CSMD1: variants seen among roughly 807,000 people sequenced by gnomAD.
The protein encoded by CSMD1 is CUB and sushi domain-containing protein 1.
Under a neutral mutation model 417.5 loss-of-function variants are expected in CSMD1, and 213 were observed. The ratio of observed to expected loss-of-function variants is 0.51; its 90% CI spans 0.46 to 0.57. The LOEUF (loss-of-function observed/expected upper bound fraction) is 0.57, where lower values mean the gene tolerates loss of function less well. Among genes scored for constraint, CSMD1 ranks in the 20% least tolerant of loss-of-function variants. The probability of loss-of-function intolerance (pLI) is 0.00; values close to 1 mark genes in which losing one functional copy is unlikely to be tolerated. For synonymous variants in CSMD1, 2,862 were observed against 1,736.8 expected, an observed-to-expected ratio of 1.65 and a Z score of -16.11; for missense variants, 6,923 against 4,529.7, an observed-to-expected ratio of 1.53 and a Z score of -15.17.
intron 5 of CSMD1, among the ~76,000 whole-genome samples, chr8:3,766,764 T>C (rs534615574): frequency 6.6e-6 from 1 of 152,320 alleles, no homozygotes; most frequent in South Asian, 2.1e-4. Context: ...AGGAATATCA[T>C]TAAAAAACAC....
intron 1 of CSMD1, chr8:4,787,272 CT>C: frequency 1.6e-6 from 1 of 611,304 alleles, no homozygotes; most frequent in Non-Finnish European, 3.0e-6. Context: ...GATCACCCCT[CT>C]TTTCTAGAGC....
In CSMD1 at chr8:3,991,922, T is replaced by C. The variant is rs1814780267; in HGVS notation, c.818+5981A>G. ...CTCCAAGTAGCAGTAGCAACTATTG[T>C]TTATATTTTCTTGTTATATAACAAA... On this transcript the variant is annotated intron_variant, in intron 5 of 69. Coordinates refer to ENST00000635120, the MANE Select transcript of CSMD1 (RefSeq NM_033225.6). Among the ~76,000 whole-genome samples the C allele has an allele frequency of 2.6e-5, 4 of 152,300 alleles. No individual in the cohort carries two copies. The South Asian group carries it at 8.3e-4, about 32-fold the overall frequency.
chr8:4,819,275 T>A (rs185109704), intron 1 of CSMD1, among the ~76,000 whole-genome samples: 3 of 152,256 alleles, frequency 2.0e-5, no homozygotes, highest in African/African-American at 4.8e-5. Context: ...CAAAACCTCA[T>A]CATTAAAAAC....
chr8:3,501,064 G>T (rs1022077242), intron 10 of CSMD1, among the ~76,000 whole-genome samples: 1 of 152,010 alleles, frequency 6.6e-6, no homozygotes, highest in Non-Finnish European at 1.5e-5. Flanking sequence ...AAAATGAAAA[G>T]ATTTCCCAAA....
intron 2 of CSMD1, among the ~76,000 whole-genome samples, chr8:4,608,502 A>T (rs1242293690): frequency 6.6e-6 from 1 of 152,182 alleles, no homozygotes; most frequent in Non-Finnish European, 1.5e-5. Context: ...TATTATTTGG[A>T]GTGTTTAAAT....
intron 26 of CSMD1, among the ~76,000 whole-genome samples, chr8:3,255,151 C>T (rs1368337021): frequency 6.6e-6 from 1 of 152,148 alleles, no homozygotes; most frequent in East Asian, 1.9e-4. Context: ...AACCTATTTG[C>T]CTGGGTATCA....
chr8:4,624,152 G>C (rs754142572), intron 2 of CSMD1, among the ~76,000 whole-genome samples: 9 of 152,008 alleles, frequency 5.9e-5, no homozygotes, highest in Non-Finnish European at 7.4e-5. Flanking sequence ...CAAAATAGCA[G>C]GTTTGCAGTA....
chr8:3,301,985 A>G (rs1020722542), intron 25 of CSMD1, among the ~76,000 whole-genome samples: 3 of 152,154 alleles, frequency 2.0e-5, no homozygotes, highest in South Asian at 2.1e-4. Context: ...TAATTTATCA[A>G]AAGAATTCCA....
intron 26 of CSMD1, among the ~76,000 whole-genome samples, chr8:3,242,079 A>G (rs1451799478): frequency 1.4e-5 from 2 of 139,552 alleles, no homozygotes; most frequent in African/African-American, 2.7e-5. Flanking sequence ...CCTAAACACT[A>G]TCTGATTTGG....
At chr8:4,778,232 G>A (rs1764057306) in intron 1 of CSMD1, among the ~76,000 whole-genome samples, 1 of 152,030 alleles carries the variant, frequency 6.6e-6, no homozygotes, top group Admixed American at 6.6e-5. Flanking sequence ...AATTATTAAT[G>A]AATAATCTAT....
intron 7 of CSMD1, among the ~76,000 whole-genome samples, chr8:3,683,497 C>T (rs1045618484): frequency 1.3e-5 from 2 of 152,116 alleles, no homozygotes; most frequent in African/African-American, 2.4e-5. Flanking sequence ...ACCTGTCAGC[C>T]CTCCTCTCAC....
chr8:3,040,928 T>A (rs1046589057), intron 50 of CSMD1, among the ~76,000 whole-genome samples: 3 of 152,236 alleles, frequency 2.0e-5, no homozygotes, highest in Non-Finnish European at 4.4e-5. Flanking sequence ...TGCAGCATCA[T>A]GAACATTTTA....
At chr8:4,922,896 G>C (rs1335832060) in intron 1 of CSMD1, among the ~76,000 whole-genome samples, 2 of 152,248 alleles carry the variant, frequency 1.3e-5, no homozygotes, top group East Asian at 1.9e-4. Context: ...CCTCAAAAGA[G>C]TCTCTCACTC....
intron 12 of CSMD1, among the ~76,000 whole-genome samples, chr8:3,423,596 C>A (rs192689197): frequency 9.9e-5 from 15 of 152,262 alleles, no homozygotes; most frequent in Non-Finnish European, 1.5e-5. Context: ...AATGGTCCTC[C>A]ACTCTGTGGC....
rs186814876 is a variant in CSMD1 at position 4,235,965 on chromosome 8, G to A, written c.415+183988C>T. On this transcript the variant is annotated intron_variant, in intron 3 of 69. Transcript: ENST00000635120. ...GTGAAATTAACCTAGTTGCCAAAAT[G>A]CTAAGCTACCTAGCAAGTGATTCGT... Among the ~76,000 whole-genome samples, 234 of 149,782 alleles carry A rather than the reference G, an allele frequency of 1.6e-3. 1 individual carries two copies. Among genetic ancestry groups the A allele is most frequent in the African/African-American group, 5.4e-3 (218 of 40,614 alleles).
intron 16 of CSMD1, among the ~76,000 whole-genome samples, chr8:3,398,289 G>C (rs1811822880): frequency 1.3e-5 from 2 of 152,144 alleles, no homozygotes; most frequent in Admixed American, 6.5e-5. Context: ...TACAGAGTTA[G>C]TATTTTTTCA....
chr8:3,306,102 G>GTATAA (rs1337265778), intron 25 of CSMD1, among the ~76,000 whole-genome samples: 1 of 152,072 alleles, frequency 6.6e-6, no homozygotes, highest in Non-Finnish European at 1.5e-5. Flanking sequence ...CATGTAGGGT[G>GTATAA]TATAATATGC....
chr8:3,530,067 C>T (rs1236199199), intron 10 of CSMD1, among the ~76,000 whole-genome samples: 2 of 152,108 alleles, frequency 1.3e-5, no homozygotes, highest in African/African-American at 4.8e-5. Context: ...AGTCTATGAC[C>T]ATTTTCATAA....
At chr8:4,137,979 GC>G (rs1803535328) in intron 3 of CSMD1, among the ~76,000 whole-genome samples, 1 of 146,784 alleles carries the variant, frequency 6.8e-6, no homozygotes, top group Admixed American at 6.9e-5. Flanking sequence ...CTCGGTTCAC[GC>G]CATTCTCCCG....
Sources: allele counts gnomAD v4.1 joint callset (sites outside exome capture counted in the v4.1 genomes callset), GRCh38; gene constraint gnomAD v4.1.1; transcripts MANE v1.5; gene names NCBI Gene and HGNC (gene_info 2026-07-23, HGNC 2026-07-21).